Variants in CTBP2 observed in about 807,000 individuals in gnomAD.
The protein encoded by CTBP2 is C-terminal-binding protein 2.
CTBP2 carries 30 observed loss-of-function variants against 80.3 expected under a neutral mutation model. The ratio of observed to expected loss-of-function variants is 0.37; its 90% CI spans 0.28 to 0.51. The LOEUF (loss-of-function observed/expected upper bound fraction) is 0.51. CTBP2 is among the 20% of genes least tolerant of loss of function. The pLI, the probability that CTBP2 is intolerant of heterozygous loss-of-function variation, is 0.93. For synonymous variants in CTBP2, 594 were observed against 587.4 expected (o/e 1.01, Z -0.16); for missense variants, 1,212 against 1,375.3 (o/e 0.88, Z 1.88).
At chr10:125,020,355 G>T (rs1275932252) in intron 1 of CTBP2, among the ~76,000 whole-genome samples, 1 of 152,168 alleles carries the variant, frequency 6.6e-6, no homozygotes, top group East Asian at 1.9e-4. Flanking sequence ...AGAAACTGAA[G>T]CTATGGCCCC....
At chr10:125,105,560 T>C (rs1851323206) in intron 2 of CTBP2, among the ~76,000 whole-genome samples, 1 of 152,180 alleles carries the variant, frequency 6.6e-6, no homozygotes, top group African/African-American at 2.4e-5. Flanking sequence ...GGGGAGCTGC[T>C]CTAAGTTGAA....
intron 2 of CTBP2, among the ~76,000 whole-genome samples, chr10:125,046,060 G>C (rs192052440): frequency 3.9e-5 from 6 of 152,044 alleles, no homozygotes; most frequent in African/African-American, 1.4e-4. Flanking sequence ...ATTCACAAGT[G>C]CTTGGGTTTA....
At chr10:125,100,515 A>C (rs1261587587) in intron 2 of CTBP2, 2 of 152,252 alleles carry the variant, frequency 1.3e-5, no homozygotes, top group Non-Finnish European at 2.9e-5. Flanking sequence ...TCAAAGGAAC[A>C]AACATTTTTG....
rs139034201 is a variant in CTBP2 at position 124,990,464 on chromosome 10, C to T, written c.2778-766G>A. On this transcript the variant is annotated intron_variant, in intron 8 of 8. Coordinates refer to ENST00000309035, the MANE Select transcript of CTBP2 (RefSeq NM_022802.3). ...AAACAAAACTAGTCCAATCCAAACACGGGGCCACTAATTTTGTAGCTTTTA... is the reference window on the plus strand; with the variant it reads ...AAACAAAACTAGTCCAATCCAAACATGGGGCCACTAATTTTGTAGCTTTTA... Among the ~76,000 whole-genome samples the T allele has an allele frequency of 5.5e-4, 84 of 152,332 alleles. 1 individual carries two copies. The East Asian group carries it at 0.01, about 19-fold the overall frequency.
chr10:125,122,389 G>C (rs1419880011), intron 1 of CTBP2, among the ~76,000 whole-genome samples: 2 of 152,216 alleles, frequency 1.3e-5, no homozygotes, highest in South Asian at 2.1e-4. Flanking sequence ...TTTTCACTGT[G>C]AGATTAGATT....
At position 125,015,890 on chromosome 10, in the gene CTBP2, G is replaced by T. The variant is rs548369284; in HGVS notation, c.1678+10192C>A. ...AGAGGCTGGGTGCTGGGCTGGCAGCGTGTCCAGTGTGGACACACACGGGGC... is the reference window on the plus strand; with the variant it reads ...AGAGGCTGGGTGCTGGGCTGGCAGCTTGTCCAGTGTGGACACACACGGGGC... On this transcript the variant is annotated intron_variant, in intron 1 of 8. Coordinates refer to ENST00000309035, the MANE Select transcript of CTBP2 (RefSeq NM_022802.3). Among the ~76,000 whole-genome samples the T allele has an allele frequency of 5.9e-5, 9 of 152,348 alleles. No homozygotes were observed. The East Asian group carries it at 9.6e-4, about 16-fold the overall frequency.
chr10:125,107,288 G>C (rs1851607712), intron 2 of CTBP2, among the ~76,000 whole-genome samples: 2 of 152,212 alleles, frequency 1.3e-5, no homozygotes, highest in Admixed American at 1.3e-4. Flanking sequence ...TGTGGTTTCG[G>C]ATGTTGGCAG....
At chr10:125,150,287 AATG>A (rs1859590904) in intron 1 of CTBP2, among the ~76,000 whole-genome samples, 1 of 152,206 alleles carries the variant, frequency 6.6e-6, no homozygotes, top group Non-Finnish European at 1.5e-5. Context: ...CTATTGATGA[AATG>A]ATACCTGGCC....
chr10:125,025,187 AC>A (rs1183302221), intron 1 of CTBP2, among the ~76,000 whole-genome samples: 5 of 152,216 alleles, frequency 3.3e-5, no homozygotes, highest in African/African-American at 1.2e-4. Context: ...TTTCTGAATG[AC>A]GTAGGGGAGG....
chr10:125,022,769 T>C (rs1190148787), intron 1 of CTBP2, among the ~76,000 whole-genome samples: 1 of 152,170 alleles, frequency 6.6e-6, no homozygotes, highest in Non-Finnish European at 1.5e-5. Context: ...CAAATGTCCT[T>C]GTGCTCTGAG....
chr10:125,157,900 G>C (rs1022323240), intron 1 of CTBP2, among the ~76,000 whole-genome samples: 10 of 152,264 alleles, frequency 6.6e-5, no homozygotes, highest in African/African-American at 2.4e-4. Context: ...AGGGCACTAG[G>C]GGTTTTTCAG....
rs1952019637 is a variant in CTBP2, at chr10:124,985,808, C to G, written c.*3710G>C. The G allele has an allele frequency of 6.6e-6, 1 of 152,198 alleles. No individual in the cohort carries two copies. The highest frequency in any genetic ancestry group is 2.1e-4 in the South Asian group (1 of 4,832). The allele number at this position is 152,198 out of a possible 1,614,324, so 9.4% of individuals were successfully genotyped here. A position where few individuals can be genotyped will look rare whatever the true frequency, so the allele number is the denominator to read the frequency against. ...GAAAAGGGAGCAAGCCCACTTGTCA[C>G]TAAATGAATTGTGTGAAATGTGCTC... is the stretch of plus-strand genomic sequence containing the variant. On this transcript the variant is annotated 3_prime_UTR_variant, in exon 9 of 9. Transcript: ENST00000309035.
At position 124,985,467 on chromosome 10, in the gene CTBP2, G is replaced by A. The variant is rs1409485561; in HGVS notation, c.*4051C>T. 1 of 153,246 alleles carries A rather than the reference G, an allele frequency of 6.5e-6. No homozygotes were observed. Among genetic ancestry groups the A allele is most frequent in the Non-Finnish European group, 1.5e-5 (1 of 68,540 alleles). The allele number at this position is 153,246 out of a possible 1,614,324, so 9.5% of individuals were successfully genotyped here. Reference sequence around the variant, plus strand: ...AAGATCCATCTAAGTCTCAGATCTGGAAACGTTTTGTACCGATTATCCACA... The same window carrying A: ...AAGATCCATCTAAGTCTCAGATCTGAAAACGTTTTGTACCGATTATCCACA... On this transcript the variant is annotated 3_prime_UTR_variant, in exon 9 of 9. Coordinates refer to ENST00000309035, the MANE Select transcript of CTBP2 (RefSeq NM_022802.3).
At chr10:125,123,238 G>A (rs896156190) in intron 1 of CTBP2, among the ~76,000 whole-genome samples, 1 of 152,110 alleles carries the variant, frequency 6.6e-6, no homozygotes, top group Non-Finnish European at 1.5e-5. Context: ...GGGATTCTTG[G>A]GCTGGTACAA....
intron 1 of CTBP2, among the ~76,000 whole-genome samples, chr10:125,117,319 A>T (rs988939958): frequency 2.6e-5 from 4 of 152,142 alleles, no homozygotes; most frequent in Non-Finnish European, 1.5e-5. Context: ...ATCCCTGAGC[A>T]AACGGCAGTG....
intron 1 of CTBP2, among the ~76,000 whole-genome samples, chr10:125,149,975 AC>A (rs1403829483): frequency 2.0e-5 from 3 of 152,214 alleles, no homozygotes; most frequent in East Asian, 3.9e-4. Flanking sequence ...CAGGGGAGCG[AC>A]CCAAAGGAAG....
In CTBP2 at chr10:125,083,355, G is replaced by A. The variant is rs180804416; in HGVS notation, c.-102+27635C>T. On this transcript the variant is annotated intron_variant, in intron 2 of 10. Transcript: ENST00000337195. ...TCGTGCCAGATGGGGTCAACTACTCGGTGAAAACAGAGGCCCATTCCACAG... is the reference window on the plus strand; with the variant it reads ...TCGTGCCAGATGGGGTCAACTACTCAGTGAAAACAGAGGCCCATTCCACAG... 1.8e-4 allele frequency among the ~76,000 whole-genome samples: 27 copies of A among 152,174 alleles called. No homozygotes were observed. In the East Asian group the frequency reaches 2.1e-3, roughly 12 times the overall value.
chr10:125,099,887 C>G (rs1234973263), intron 2 of CTBP2, among the ~76,000 whole-genome samples: 1 of 152,228 alleles, frequency 6.6e-6, no homozygotes, highest in Non-Finnish European at 1.5e-5. Context: ...TCCCAGCACA[C>G]TGTGGCCAGA....
chr10:125,048,770 G>T (rs1408364496), intron 2 of CTBP2, among the ~76,000 whole-genome samples: 1 of 152,146 alleles, frequency 6.6e-6, no homozygotes, highest in Non-Finnish European at 1.5e-5. Flanking sequence ...TGCTGGGGAG[G>T]GGCCGGCTGG....
Sources: allele counts gnomAD v4.1 joint callset (sites outside exome capture counted in the v4.1 genomes callset), GRCh38; gene constraint gnomAD v4.1.1; transcripts MANE v1.5; gene names NCBI Gene and HGNC (gene_info 2026-07-23, HGNC 2026-07-21).